Variants in DNMT1 observed in about 807,000 individuals in gnomAD.
DNMT1 encodes DNA (cytosine-5)-methyltransferase 1.
A neutral mutation model predicts 205.3 loss-of-function variants in DNMT1; 24 were observed. The observed-to-expected ratio is 0.12, with a 90% CI of 0.08 to 0.16. DNMT1 has a LOEUF of 0.16. Ranked by LOEUF, DNMT1 falls within the 10% of genes least tolerant of loss-of-function variation. The probability of loss-of-function intolerance (pLI) is 1.00; values close to 1 mark genes in which losing one functional copy is unlikely to be tolerated. For synonymous variants in DNMT1, 817 were observed against 839.8 expected (o/e 0.97, Z 0.47); for missense variants, 1,293 against 2,177.7 (o/e 0.59, Z 8.09).
intron 34 of DNMT1, among the ~76,000 whole-genome samples, 190 bp downstream of exon 34, chr19:10,139,486 G>A (rs1269305754): frequency 6.6e-6 from 1 of 152,246 alleles, no homozygotes; most frequent in Non-Finnish European, 1.5e-5. Flanking sequence ...CACTAGCGGT[G>A]GACTTGCTGG....
intron 1 of DNMT1, among the ~76,000 whole-genome samples, chr19:10,191,910 C>A (rs2039311452): frequency 6.6e-6 from 1 of 151,882 alleles, no homozygotes; most frequent in African/African-American, 2.4e-5. Context: ...GCAATCTCGG[C>A]TCCTGGGTTC....
intron 13 of DNMT1, among the ~76,000 whole-genome samples, chr19:10,161,942 A>G (rs1045559345): frequency 6.6e-6 from 1 of 151,404 alleles, no homozygotes; most frequent in Non-Finnish European, 1.5e-5. Flanking sequence ...CCTGGGTTCA[A>G]GTGACTCTCC....
chr19:10,165,110 TAA>T (rs879593262), intron 11 of DNMT1, among the ~76,000 whole-genome samples: 1 of 148,778 alleles, frequency 6.7e-6, no homozygotes, highest in Non-Finnish European at 1.5e-5. Flanking sequence ...TACAAAAAAT[TAA>T]AAAAAAAAAT....
rs199827346 is a variant in DNMT1, at chr19:10,143,784, C to T, written c.3098G>A (p.Arg1033Gln). The change falls in exon 29 of 41, where the codon CGG becomes CAG. Residue 1033 changes from arginine (R) to glutamine (Q), a missense_variant. Physicochemically the swap from Arg to Gln is conservative, Grantham distance 43 (BLOSUM62 1). Coordinates refer to ENST00000359526, the MANE Select transcript of DNMT1 (RefSeq NM_001130823.3). ...TGCTGACCTGTAGAACTTGTTGACC[C>T]GGATTTTGATGTCAGTCTCATTGGG... ...GRPNETDIKI[R>Q]VNKFYRPENT... The T allele has an allele frequency of 5.0e-5, 81 of 1,614,106 alleles. No homozygotes were observed. The East Asian group carries it at 1.1e-3, about 21-fold the overall frequency.
Position 10,136,178 on chromosome 19 carries a change from G to C in DNMT1, c.4599C>G (p.Leu1533=), listed in dbSNP as rs145860233. ...HNHWAGLYGR[L]EWDGFFSTTV... Reference sequence around the variant, plus strand: ...TTGTGCTGAAGAAGCCGTCCCACTCGAGCCTTCCATAGAGGCCAGCCCAGT... The same window carrying C: ...TTGTGCTGAAGAAGCCGTCCCACTCCAGCCTTCCATAGAGGCCAGCCCAGT... Residue 1533 remains leucine (L), a synonymous_variant, in exon 38 of 41, where the codon CTC becomes CTG. Transcript: ENST00000359526. 1.9e-6 allele frequency: 3 copies of C among 1,614,108 alleles called. No individual in the cohort carries two copies. Among genetic ancestry groups the C allele is most frequent in the East Asian group, 4.5e-5 (2 of 44,886 alleles).
chr19:10,142,988 G>A (rs766104051), intron 29 of DNMT1: 2 of 153,552 alleles, frequency 1.3e-5, no homozygotes, highest in Non-Finnish European at 2.9e-5. Flanking sequence ...TGTTAGCTAA[G>A]AGGTGAGGCA....
chr19:10,138,923 G>C lies in DNMT1; in HGVS notation c.3949-318C>G, dbSNP rs537348876. On this transcript the variant is annotated intron_variant, in intron 34 of 40. Coordinates refer to ENST00000359526, the MANE Select transcript of DNMT1 (RefSeq NM_001130823.3). The surrounding 1 kb of genome is among the most constrained non-coding windows in gnomAD (Gnocchi z 4.1). Reference sequence around the variant, plus strand: ...ACTCGGGGAGAACACTGGAGACCAGGAGCCCTGTCGCTTCCCTGATGGCTG... The same window carrying C: ...ACTCGGGGAGAACACTGGAGACCAGCAGCCCTGTCGCTTCCCTGATGGCTG... Among the ~76,000 whole-genome samples the C allele has an allele frequency of 6.6e-6, 1 of 152,344 alleles. No homozygotes were observed. Among genetic ancestry groups the C allele is most frequent in the African/African-American group, 2.4e-5 (1 of 41,586 alleles).
rs749931380 is a variant in DNMT1 at position 10,180,390 on chromosome 19, AGGTTTGGAAAGG to A, written c.393_404del (p.Leu132_Pro135del). The A allele has an allele frequency of 6.2e-7, 1 of 1,613,556 alleles. No homozygotes were observed. Among genetic ancestry groups the A allele is most frequent in the Non-Finnish European group, 8.5e-7 (1 of 1,179,984 alleles). On this transcript the variant is annotated inframe_deletion, in exon 4 of 41. Coordinates refer to ENST00000359526, the MANE Select transcript of DNMT1 (RefSeq NM_001130823.3). ...CGGACTTGCTCCTCCTGGGCGTGCG[AGGTTTGGAAAGG>A]GGTTTGGGGGGGCTGTTGGCATCTG...
chr19:10,189,505 G>A (rs925273179), intron 1 of DNMT1, among the ~76,000 whole-genome samples: 3 of 150,440 alleles, frequency 2.0e-5, no homozygotes, highest in Non-Finnish European at 2.9e-5. Context: ...CTGCAGCCTC[G>A]ACCTCATGGG....
chr19:10,177,453 C>T, intron 5 of DNMT1, 86 bp from the exon 6 acceptor site: 1 of 1,318,054 alleles, frequency 7.6e-7, no homozygotes, highest in Non-Finnish European at 1.1e-6. Flanking sequence ...TTCAACATTA[C>T]TAAGCTATTG....
rs958363967 is a variant in DNMT1 at position 10,164,331 on chromosome 19, T to C, written c.892-971A>G. On this transcript the variant is annotated intron_variant, in intron 11 of 40. Transcript: ENST00000359526. ...GCTAATTCTGTATTTTTAGTAGAGC[T>C]GGGGTTTCACCATGTTGGTCAGGCT... Among the ~76,000 whole-genome samples, 3 of 152,236 alleles carry C rather than the reference T, an allele frequency of 2.0e-5. No individual in the cohort carries two copies. In the East Asian group the frequency reaches 5.8e-4, roughly 29 times the overall value.
intron 9 of DNMT1, among the ~76,000 whole-genome samples, chr19:10,169,607 C>CA (rs1034428596): frequency 5.6e-5 from 8 of 142,136 alleles, no homozygotes; most frequent in East Asian, 2.1e-4. Flanking sequence ...ACTAAAAATA[C>CA]AAAAAAAAAT....
chr19:10,138,905 G>T lies in DNMT1; in HGVS notation c.3949-300C>A, dbSNP rs1005807681. Among the ~76,000 whole-genome samples the T allele has an allele frequency of 6.6e-6, 1 of 152,224 alleles. No homozygotes were observed. The highest frequency in any genetic ancestry group is 1.5e-5 in the Non-Finnish European group (1 of 68,042). On this transcript the variant is annotated intron_variant, in intron 34 of 40. Coordinates refer to ENST00000359526, the MANE Select transcript of DNMT1 (RefSeq NM_001130823.3). The surrounding 1 kb of genome is among the most constrained non-coding windows in gnomAD (Gnocchi z 4.1). ...GGGCCCCAAGGTCTTAGCACTCGGG[G>T]AGAACACTGGAGACCAGGAGCCCTG...
At chr19:10,178,219 T>G (rs1290566460) in intron 5 of DNMT1, among the ~76,000 whole-genome samples, 1 of 151,360 alleles carries the variant, frequency 6.6e-6, no homozygotes, top group Non-Finnish European at 1.5e-5. Flanking sequence ...ATTGTGCCAC[T>G]GCACTCCAGC....
At chr19:10,135,213 A>C (rs1210045839) in intron 39 of DNMT1, among the ~76,000 whole-genome samples, 1 of 19,030 alleles carries the variant, frequency 5.3e-5, no homozygotes, top group East Asian at 3.6e-3. Flanking sequence ...GCTCCATCTC[A>C]AAAAAAAAAA....
At chr19:10,148,414 T>C (rs1240327690) in intron 27 of DNMT1, among the ~76,000 whole-genome samples, 5 of 146,470 alleles carry the variant, frequency 3.4e-5, no homozygotes, top group Non-Finnish European at 7.4e-5. Flanking sequence ...GAGAATGGCA[T>C]GAACCCAGGA....
At chr19:10,170,475 C>T (rs924289348) in intron 9 of DNMT1, among the ~76,000 whole-genome samples, 1 of 151,972 alleles carries the variant, frequency 6.6e-6, no homozygotes. Flanking sequence ...CCTGTCTCTA[C>T]TAAAAGTACA....
intron 1 of DNMT1, chr19:10,194,558 A>G: frequency 2.3e-6 from 1 of 436,642 alleles, no homozygotes; most frequent in Non-Finnish European, 4.1e-6. Flanking sequence ...TTTGGGGATC[A>G]AAAGAGAACC....
chr19:10,187,103 C>T (rs2039200916), intron 1 of DNMT1, among the ~76,000 whole-genome samples: 1 of 151,772 alleles, frequency 6.6e-6, no homozygotes, highest in East Asian at 1.9e-4. Flanking sequence ...TGGGGACAGT[C>T]GGAGGGAGGG....
Sources: gnomAD v4.1 joint callset for allele counts (sites outside exome capture counted in the v4.1 genomes callset) on GRCh38, gnomAD v4.1.1 for gene constraint, Gnocchi (gnomAD v3.1) non-coding constraint, MANE v1.5 for transcripts, NCBI Gene and HGNC (gene_info 2026-07-23, HGNC 2026-07-21) for gene names.